The following INPP4B variants were observed in gnomAD, a reference collection of about 807,000 sequenced individuals.
The protein encoded by INPP4B is inositol polyphosphate-4-phosphatase type II B.
A neutral mutation model predicts 122.5 loss-of-function variants in INPP4B; 55 were observed. The ratio of observed to expected loss-of-function variants is 0.45; its 90% confidence interval spans 0.36 to 0.56. The LOEUF is 0.56. INPP4B is among the 20% of genes least tolerant of loss of function. INPP4B has a pLI of 0.00. For synonymous variants in INPP4B, 403 were observed against 388.7 expected (o/e 1.04, Z -0.43); for missense variants, 1,000 against 1,097.7 (o/e 0.91, Z 1.26).
At chr4:142,828,174 A>T (rs1781664262) in intron 1 of INPP4B, among the ~76,000 whole-genome samples, 1 of 152,184 alleles carries the variant, frequency 6.6e-6, no homozygotes, top group South Asian at 2.1e-4. Flanking sequence ...TAAAATTAAA[A>T]TAAATTTAAA....
intron 7 of INPP4B, among the ~76,000 whole-genome samples, chr4:142,373,436 A>G (rs899852661): frequency 4.3e-4 from 65 of 152,152 alleles, no homozygotes; most frequent in African/African-American, 1.6e-3. Flanking sequence ...AATATTTACT[A>G]TGTCATTTCT....
In INPP4B at chr4:142,674,048, A is replaced by C. The variant is rs562119024; in HGVS notation, c.-191+51791T>G. Among the ~76,000 whole-genome samples, 11 of 152,232 alleles carry C rather than the reference A, an allele frequency of 7.2e-5. No individual in the cohort carries two copies. In the East Asian group the frequency reaches 2.1e-3, roughly 30 times the overall value. On this transcript the variant is annotated intron_variant, in intron 2 of 25. Transcript: ENST00000262992. ...TCAAGTAATACTTCTACCCAGAAAA[A>C]GTCTGCATCCAGTAATTAAGCCCTT...
intron 25 of INPP4B, among the ~76,000 whole-genome samples, chr4:142,045,615 T>A (rs1184103783): frequency 6.6e-6 from 1 of 152,130 alleles, no homozygotes; most frequent in African/African-American, 2.4e-5. Context: ...TATTAATCTC[T>A]TTCCATTTTT....
At chr4:142,840,050 C>T (rs369164803) in intron 1 of INPP4B, among the ~76,000 whole-genome samples, 1 of 152,268 alleles carries the variant, frequency 6.6e-6, no homozygotes, top group East Asian at 1.9e-4. Context: ...TTTAATTATT[C>T]AGTCAAAGGC....
At chr4:142,567,315 A>C (rs1228822710) in intron 2 of INPP4B, among the ~76,000 whole-genome samples, 2 of 152,170 alleles carry the variant, frequency 1.3e-5, no homozygotes, top group African/African-American at 2.4e-5. Flanking sequence ...ATCACTTCAC[A>C]CACTGGGTCC....
chr4:142,561,521 C>T (rs886560320), intron 2 of INPP4B, among the ~76,000 whole-genome samples: 2 of 152,074 alleles, frequency 1.3e-5, no homozygotes, highest in Admixed American at 1.3e-4. Context: ...CAGGTTCAAT[C>T]GATTCTTCTG....
At chr4:142,720,809 C>CTCTATATA (rs1553997412) in intron 2 of INPP4B, among the ~76,000 whole-genome samples, 2 of 12,952 alleles carry the variant, frequency 1.5e-4, no homozygotes, top group Non-Finnish European at 3.2e-4. Flanking sequence ...CTCTCTCTCT[C>CTCTATATA]TATATATATA....
chr4:142,751,496 C>G lies in INPP4B; in HGVS notation c.-253-25595G>C, dbSNP rs574614877. ...AACACATACTTTGTTTCCACTCTCT[C>G]TTTTACCCCAAAAAGCTATGTAATA... On this transcript the variant is annotated intron_variant, in intron 1 of 25. Transcript: ENST00000262992. Among the ~76,000 whole-genome samples the G allele has an allele frequency of 3.0e-4, 46 of 152,034 alleles. No individual in the cohort carries two copies. The East Asian group carries it at 8.1e-3, about 27-fold the overall frequency.
chr4:142,363,025 A>G (rs1373468317), intron 7 of INPP4B, among the ~76,000 whole-genome samples: 1 of 152,038 alleles, frequency 6.6e-6, no homozygotes, highest in African/African-American at 2.4e-5. Flanking sequence ...GTGGAGGGGT[A>G]AAAGTAATTT....
intron 2 of INPP4B, among the ~76,000 whole-genome samples, chr4:142,488,453 T>C (rs972342475): frequency 6.6e-6 from 1 of 152,202 alleles, no homozygotes; most frequent in Admixed American, 6.5e-5. Context: ...TATAAGATTG[T>C]AATTTTTTCT....
intron 2 of INPP4B, among the ~76,000 whole-genome samples, chr4:142,714,127 A>G (rs1237767621): frequency 6.6e-6 from 1 of 152,228 alleles, no homozygotes; most frequent in Non-Finnish European, 1.5e-5. Context: ...AAATTACAGG[A>G]GGGAGATATA....
At chr4:142,115,253 G>A (rs2152718303) in intron 21 of INPP4B, among the ~76,000 whole-genome samples, 1 of 152,254 alleles carries the variant, frequency 6.6e-6, no homozygotes, top group African/African-American at 2.4e-5. Context: ...TATTATTCAG[G>A]AGAACGTCCC....
chr4:142,538,614 A>G (rs975162834), intron 2 of INPP4B, among the ~76,000 whole-genome samples: 4 of 152,098 alleles, frequency 2.6e-5, no homozygotes, highest in Non-Finnish European at 4.4e-5. Flanking sequence ...CATGCTAAAT[A>G]TTATCTTAAA....
At chr4:142,307,142 T>C (rs1299660086) in intron 8 of INPP4B, among the ~76,000 whole-genome samples, 1 of 152,126 alleles carries the variant, frequency 6.6e-6, no homozygotes, top group Non-Finnish European at 1.5e-5. Context: ...AGAAGGAAGT[T>C]TGTGAGCTGT....
chr4:142,545,435 C>T (rs767356362), intron 2 of INPP4B, among the ~76,000 whole-genome samples: 1 of 151,938 alleles, frequency 6.6e-6, no homozygotes. Flanking sequence ...GGTCACTGAG[C>T]TAGTACTATG....
chr4:142,029,974 T>C, intron 25 of INPP4B: 1 of 1,380,174 alleles, frequency 7.2e-7, no homozygotes. Flanking sequence ...GCATAGTACT[T>C]TTTGTTTTTT....
chr4:142,382,700 AT>A (rs1048866309), intron 7 of INPP4B, among the ~76,000 whole-genome samples: 1 of 139,254 alleles, frequency 7.2e-6, no homozygotes, highest in Non-Finnish European at 1.5e-5. Flanking sequence ...TAGGTCATTG[AT>A]TTACAAATAC....
chr4:142,462,771 G>A (rs2090497163), intron 2 of INPP4B, 45 bp from the exon 3 acceptor site: 1 of 152,140 alleles, frequency 6.6e-6, no homozygotes, highest in Admixed American at 6.5e-5. Context: ...AGTGTTTACT[G>A]GAAATTTTCT....
intron 15 of INPP4B, among the ~76,000 whole-genome samples, chr4:142,175,453 G>A (rs1209250793): frequency 1.3e-5 from 2 of 151,854 alleles, no homozygotes; most frequent in Non-Finnish European, 2.9e-5. Context: ...TTTGAGGCTT[G>A]GGCCATTCAG....
Sources: gnomAD v4.1 joint callset for allele counts (sites outside exome capture counted in the v4.1 genomes callset) on GRCh38, gnomAD v4.1.1 for gene constraint, MANE v1.5 for transcripts, NCBI Gene and HGNC (gene_info 2026-07-23, HGNC 2026-07-21) for gene names.